Variants in NAV2 observed in about 807,000 individuals in gnomAD.
NAV2 encodes the protein neuron navigator 2, also known as helicase, APC down-regulated 1.
A neutral mutation model predicts 223.2 loss-of-function variants in NAV2; 54 were observed. The ratio of observed to expected loss-of-function variants is 0.24; its 90% CI spans 0.19 to 0.30. NAV2 has a LOEUF of 0.30. Among genes scored for constraint, NAV2 ranks in the 10% least tolerant of loss-of-function variants. The pLI is 1.00. For synonymous variants in NAV2, 1,279 were observed against 1,239.3 expected (o/e 1.03, Z -0.67); for missense variants, 2,806 against 3,147.5 (o/e 0.89, Z 2.60).
intron 1 of NAV2, among the ~76,000 whole-genome samples, chr11:19,737,274 T>C (rs1565229503): frequency 1.3e-5 from 2 of 152,192 alleles, no homozygotes; most frequent in Non-Finnish European, 2.9e-5. Flanking sequence ...CCAGAAAATA[T>C]GAGTGAAAGG....
At chr11:19,825,522 T>G (rs905288203) in intron 1 of NAV2, among the ~76,000 whole-genome samples, 1 of 152,174 alleles carries the variant, frequency 6.6e-6, no homozygotes, top group Non-Finnish European at 1.5e-5. Context: ...GCTAACCTGA[T>G]GCCATCTGCC....
chr11:19,491,820 T>A (rs911230372), intron 1 of NAV2, among the ~76,000 whole-genome samples: 3 of 152,224 alleles, frequency 2.0e-5, no homozygotes, highest in African/African-American at 7.2e-5. Context: ...CTCACTAAGC[T>A]TAATAGTTTC....
chr11:19,372,020 C>A (rs1378650449), intron 1 of NAV2, among the ~76,000 whole-genome samples: 1 of 152,204 alleles, frequency 6.6e-6, no homozygotes, highest in Admixed American at 6.5e-5. Flanking sequence ...CTCAGGTGAT[C>A]CACCCTCCTT....
At chr11:19,474,475 A>G (rs929265446) in intron 1 of NAV2, among the ~76,000 whole-genome samples, 46 of 152,230 alleles carry the variant, frequency 3.0e-4, no homozygotes, top group African/African-American at 8.4e-4. Context: ...GTGTAGCCAT[A>G]GAAAATGTAT....
At chr11:19,980,306 A>C (rs536447523) in intron 10 of NAV2, among the ~76,000 whole-genome samples, 19 of 152,338 alleles carry the variant, frequency 1.2e-4, no homozygotes, top group Middle Eastern at 3.4e-3. Flanking sequence ...GAGATGGTTC[A>C]GTAGCTTAGC....
At chr11:19,628,888 G>A (rs370419944) in intron 1 of NAV2, among the ~76,000 whole-genome samples, 5 of 152,034 alleles carry the variant, frequency 3.3e-5, no homozygotes, top group Admixed American at 2.0e-4. Context: ...TCTGAGAGGC[G>A]CTCCCTCCCC....
Position 20,097,732 on chromosome 11 carries a change from A to G in NAV2, c.6168A>G (p.Ser2056=). The stretch of plus-strand genomic sequence containing the variant: ...TGGTTGGAGAGAACACGACCATCTC[A>G]GTGACTGTGAAAGGTAATTGAGCTT... ...GYLVGENTTI[S]VTVKGLAENS... The change falls in exon 31 of 38, where the codon TCA becomes TCG. Residue 2056 remains serine (S), a synonymous_variant. Coordinates refer to ENST00000349880, the MANE Select transcript of NAV2 (RefSeq NM_145117.5). 1 of 1,594,302 alleles carries G rather than the reference A, an allele frequency of 6.3e-7. No individual in the cohort carries two copies. The highest frequency in any genetic ancestry group is 8.5e-7 in the Non-Finnish European group (1 of 1,173,398).
intron 1 of NAV2, among the ~76,000 whole-genome samples, chr11:19,583,362 C>A (rs1465175357): frequency 6.6e-6 from 1 of 152,096 alleles, no homozygotes; most frequent in Non-Finnish European, 1.5e-5. Flanking sequence ...AATTGAATAC[C>A]CTTTATTTCC....
Position 20,045,025 on chromosome 11 carries a change from A to G in NAV2, c.3257A>G (p.Gln1086Arg), listed in dbSNP as rs141180506. The change falls in exon 14 of 38, where the codon CAG becomes CGG. Residue 1086 changes from glutamine to arginine, a missense_variant. Gln to Arg is a conservative substitution (Grantham distance 43). Coordinates refer to ENST00000349880, the MANE Select transcript of NAV2 (RefSeq NM_145117.5). ...EKGRLSPKAS[Q>R]VKRSPSDAGR... ...GGAAGGCTTTCTCCTAAAGCCTCCCAGGTGAAGCGCTCCCCATCAGATGCA... is the reference window on the plus strand; with the variant it reads ...GGAAGGCTTTCTCCTAAAGCCTCCCGGGTGAAGCGCTCCCCATCAGATGCA... The G allele has an allele frequency of 2.5e-6, 4 of 1,614,004 alleles. No individual in the cohort carries two copies. In the African/African-American group the frequency reaches 5.3e-5, roughly 22 times the overall value.
intron 8 of NAV2, among the ~76,000 whole-genome samples, chr11:19,941,538 C>T (rs2046404601): frequency 6.6e-6 from 1 of 151,830 alleles, no homozygotes; most frequent in African/African-American, 2.4e-5. Context: ...TGGACATTTA[C>T]ATAACTATTT....
intron 1 of NAV2, among the ~76,000 whole-genome samples, chr11:19,650,563 T>C (rs533210163): frequency 1.3e-5 from 2 of 152,314 alleles, no homozygotes; most frequent in South Asian, 2.1e-4. Flanking sequence ...AGAACTTCCA[T>C]GCCTGGGTAT....
chr11:20,089,343 T>C (rs1352626793), intron 26 of NAV2, among the ~76,000 whole-genome samples: 1 of 152,242 alleles, frequency 6.6e-6, no homozygotes, highest in Non-Finnish European at 1.5e-5. Context: ...AACATTTGGC[T>C]ATTCAAGTGT....
At position 19,691,971 on chromosome 11, in the gene NAV2, C is replaced by T. The variant is rs908328543; in HGVS notation, c.76-140513C>T. ...ACAACACTTTCCACATGGCTCAGGCCCTGCCACTGTCTGGCCAGGTGGTTT... is the reference window on the plus strand; with the variant it reads ...ACAACACTTTCCACATGGCTCAGGCTCTGCCACTGTCTGGCCAGGTGGTTT... On this transcript the variant is annotated intron_variant, in intron 1 of 37. Coordinates refer to the NAV2 transcript ENST00000360655. 2.0e-5 allele frequency among the ~76,000 whole-genome samples: 3 copies of T among 152,202 alleles called. No individual in the cohort carries two copies. The East Asian group carries it at 5.8e-4, about 29-fold the overall frequency.
At chr11:19,484,967 C>G (rs1320401871) in intron 1 of NAV2, among the ~76,000 whole-genome samples, 1 of 152,210 alleles carries the variant, frequency 6.6e-6, no homozygotes, top group African/African-American at 2.4e-5. Flanking sequence ...ATCCATGGGA[C>G]AGCTGTGGCC....
intron 1 of NAV2, chr11:19,502,581 C>T (rs1312664484): frequency 6.6e-6 from 1 of 152,190 alleles, no homozygotes; most frequent in African/African-American, 2.4e-5. Context: ...TCATTTACCT[C>T]GTTATACCTC....
intron 36 of NAV2, among the ~76,000 whole-genome samples, chr11:20,110,439 G>A (rs746940753): frequency 2.9e-4 from 44 of 152,148 alleles, no homozygotes; most frequent in Admixed American, 3.9e-4. Context: ...ACCATTAGGG[G>A]CCCGACGTGC....
intron 1 of NAV2, among the ~76,000 whole-genome samples, chr11:19,402,919 A>T (rs1259532943): frequency 6.6e-6 from 1 of 152,234 alleles, no homozygotes; most frequent in Non-Finnish European, 1.5e-5. Flanking sequence ...GAGAAAAAAG[A>T]ATATTACTTA....
At chr11:19,429,958 T>A (rs10500847) in intron 1 of NAV2, among the ~76,000 whole-genome samples, 32,718 of 152,154 alleles carry the variant, frequency 0.22, 3,788 homozygotes, top group Non-Finnish European at 0.26. Context: ...AGCAGCCTCA[T>A]CTTGAGTAAT....
chr11:20,089,812 A>G (rs1252630979), intron 26 of NAV2, among the ~76,000 whole-genome samples: 2 of 152,204 alleles, frequency 1.3e-5, no homozygotes, highest in Non-Finnish European at 2.9e-5. Context: ...CAGGTGTTTG[A>G]AGAGCAAACC....
Sources: allele counts gnomAD v4.1 joint callset (sites outside exome capture counted in the v4.1 genomes callset), GRCh38; gene constraint gnomAD v4.1.1; transcripts MANE v1.5; gene names NCBI Gene and HGNC (gene_info 2026-07-23, HGNC 2026-07-21).